GRAMD2B: variants seen among roughly 807,000 people sequenced by gnomAD.
GRAMD2B encodes GRAM domain containing 2B, also known as GRAM domain-containing protein 2B.
Under a neutral mutation model 59.2 loss-of-function variants are expected in GRAMD2B, and 41 were observed. That is an observed-to-expected ratio of 0.69 (90% confidence interval 0.54 to 0.90). The LOEUF (loss-of-function observed/expected upper bound fraction) is 0.90, where lower values mean the gene tolerates loss of function less well. GRAMD2B is among the 40% of genes least tolerant of loss of function. The pLI is 0.00. For synonymous variants in GRAMD2B, 161 were observed against 182.7 expected, an observed-to-expected ratio of 0.88 and a Z score of 0.96; for missense variants, 424 against 500.5, an observed-to-expected ratio of 0.85 and a Z score of 1.46.
intron 3 of GRAMD2B, among the ~76,000 whole-genome samples, chr5:126,471,531 G>A (rs1769586257): frequency 1.3e-5 from 2 of 152,188 alleles, no homozygotes; most frequent in Admixed American, 1.3e-4. Flanking sequence ...CTGCTGCCCT[G>A]GAGAGTGAAG....
At chr5:126,444,602 A>T (rs1212492619) in intron 1 of GRAMD2B, among the ~76,000 whole-genome samples, 1 of 152,166 alleles carries the variant, frequency 6.6e-6, no homozygotes, top group African/African-American at 2.4e-5. Flanking sequence ...CATTTTTTAG[A>T]TCTATACAGA....
chr5:126,492,846 T>C, intron 13 of GRAMD2B, 69 bp from the exon 14 acceptor site: 1 of 1,017,142 alleles, frequency 9.8e-7, no homozygotes, highest in South Asian at 1.4e-5. Flanking sequence ...CTATATAGAC[T>C]ATAACAAATA....
intron 13 of GRAMD2B, among the ~76,000 whole-genome samples, chr5:126,489,832 C>T (rs1328642851): frequency 6.6e-6 from 1 of 152,186 alleles, no homozygotes; most frequent in Non-Finnish European, 1.5e-5. Flanking sequence ...ACTGCTGTCA[C>T]AAACGCCCAG....
intron 1 of GRAMD2B, among the ~76,000 whole-genome samples, chr5:126,366,196 A>T (rs1754429869): frequency 6.6e-6 from 1 of 152,222 alleles, no homozygotes; most frequent in African/African-American, 2.4e-5. Context: ...TAGAATAAAG[A>T]AGTTTGAAGG....
intron 1 of GRAMD2B, among the ~76,000 whole-genome samples, chr5:126,448,463 A>G (rs188186510): frequency 5.9e-4 from 90 of 152,250 alleles, no homozygotes; most frequent in Admixed American, 1.0e-3. Flanking sequence ...ACTCATCTTC[A>G]GCTTTATCCT....
At position 126,423,690 on chromosome 5, in the gene GRAMD2B, G is replaced by C. The variant is rs1366579800; in HGVS notation, c.83+1G>C. ...GGGAGAGCAAACTTGGCTCAGCCCA[G>C]TGAGTATTCTCAGCTGGGACCCATC... is the stretch of plus-strand genomic sequence containing the variant. On this transcript the variant is annotated splice_donor_variant, in intron 1 of 13. Coordinates refer to ENST00000285689, the MANE Select transcript of GRAMD2B (RefSeq NM_023927.4). LOFTEE classifies it high-confidence loss of function. The C allele has an allele frequency of 1.2e-6, 2 of 1,605,444 alleles. No homozygotes were observed. The highest frequency in any genetic ancestry group is 1.7e-5 in the Admixed American group (1 of 58,928).
intron 1 of GRAMD2B, among the ~76,000 whole-genome samples, chr5:126,411,836 T>G (rs1199522266): frequency 1.8e-5 from 1 of 54,728 alleles, no homozygotes; most frequent in Non-Finnish European, 4.1e-5. Flanking sequence ...GTTAGATATA[T>G]TTCTGGTGTG....
intron 1 of GRAMD2B, among the ~76,000 whole-genome samples, chr5:126,440,844 A>G (rs2149830233): frequency 6.6e-6 from 1 of 152,332 alleles, no homozygotes; most frequent in African/African-American, 2.4e-5. Flanking sequence ...TATATTTTAT[A>G]GCATTCATGA....
At chr5:126,487,574 A>C (rs909046239) in intron 12 of GRAMD2B, among the ~76,000 whole-genome samples, 1 of 152,196 alleles carries the variant, frequency 6.6e-6, no homozygotes, top group Admixed American at 6.5e-5. Context: ...AAGTGAAATA[A>C]TTTATGCCAT....
intron 1 of GRAMD2B, among the ~76,000 whole-genome samples, chr5:126,406,802 T>G (rs1016920013): frequency 1.3e-5 from 2 of 151,988 alleles, no homozygotes; most frequent in Admixed American, 6.6e-5. Flanking sequence ...ATGATTTCTT[T>G]CTTCTAGAGA....
chr5:126,474,358 C>A (rs1194032023), intron 5 of GRAMD2B, among the ~76,000 whole-genome samples: 1 of 152,172 alleles, frequency 6.6e-6, no homozygotes, highest in Non-Finnish European at 1.5e-5. Context: ...GGAATATTTT[C>A]TTTTGTTGGT....
chr5:126,434,719 G>A (rs576679450), intron 1 of GRAMD2B, among the ~76,000 whole-genome samples: 16 of 152,144 alleles, frequency 1.1e-4, no homozygotes, highest in African/African-American at 3.1e-4. Flanking sequence ...GGGTTTGACC[G>A]TGTTAGCCAG....
intron 1 of GRAMD2B, among the ~76,000 whole-genome samples, chr5:126,372,963 G>A (rs538547178): frequency 2.2e-4 from 33 of 152,008 alleles, no homozygotes; most frequent in African/African-American, 6.5e-4. Context: ...AATACATAAA[G>A]TATAATTGAA....
chr5:126,493,116 G>A lies in GRAMD2B; in HGVS notation c.*160G>A, dbSNP rs1009621448. ...GTCTCCAGCTCAGGAAAGTGAGGAG[G>A]GAAATAATTTTGGTTCTTGTGCAAT... On this transcript the variant is annotated 3_prime_UTR_variant, in exon 14 of 14. Coordinates refer to ENST00000285689, the MANE Select transcript of GRAMD2B (RefSeq NM_023927.4). 2.9e-5 allele frequency: 17 copies of A among 587,698 alleles called. No individual in the cohort carries two copies. Among genetic ancestry groups the A allele is most frequent in the Admixed American group, 2.1e-4 (7 of 33,206 alleles). 36.4% of individuals were successfully genotyped at this position (587,698 alleles called of 1,614,324 possible).
In GRAMD2B at chr5:126,493,054, G is replaced by C. The variant is rs1175052671; in HGVS notation, c.*98G>C. On this transcript the variant is annotated 3_prime_UTR_variant, in exon 14 of 14. Coordinates refer to ENST00000285689, the MANE Select transcript of GRAMD2B (RefSeq NM_023927.4). ...TTTGAGTGCACCCTGCTGGTCAGAG[G>C]TGCAAGCAGATGAGAATCCAGACAT... 4.7e-6 allele frequency: 4 copies of C among 853,828 alleles called. No individual in the cohort carries two copies. In the African/African-American group the frequency reaches 5.1e-5, roughly 11 times the overall value. 52.9% of individuals were successfully genotyped at this position (853,828 alleles called of 1,614,324 possible).
chr5:126,404,887 A>G (rs946663568), intron 1 of GRAMD2B, among the ~76,000 whole-genome samples: 2 of 151,972 alleles, frequency 1.3e-5, no homozygotes, highest in Non-Finnish European at 2.9e-5. Flanking sequence ...ATGAATACTC[A>G]TAGGACACTT....
intron 1 of GRAMD2B, among the ~76,000 whole-genome samples, chr5:126,436,372 G>A (rs1037120114): frequency 1.9e-4 from 29 of 152,138 alleles, no homozygotes; most frequent in Non-Finnish European, 1.5e-4. Flanking sequence ...CATTAGGCCC[G>A]GTGCGGTGAC....
intron 1 of GRAMD2B, among the ~76,000 whole-genome samples, chr5:126,394,219 G>A (rs1486565263): frequency 6.6e-6 from 1 of 151,622 alleles, no homozygotes; most frequent in African/African-American, 2.4e-5. Context: ...AGCTTGCAGT[G>A]AGGCGAGATG....
At chr5:126,435,895 TC>T (rs1397390020) in intron 1 of GRAMD2B, among the ~76,000 whole-genome samples, 1 of 152,192 alleles carries the variant, frequency 6.6e-6, no homozygotes, top group East Asian at 1.9e-4. Context: ...ACCTAAACTA[TC>T]CTCTTACACG....
Sources: gnomAD v4.1 joint callset for allele counts (sites outside exome capture counted in the v4.1 genomes callset) on GRCh38, gnomAD v4.1.1 for gene constraint, MANE v1.5 for transcripts, NCBI Gene and HGNC (gene_info 2026-07-23, HGNC 2026-07-21) for gene names.